RBFOX1: variants seen among roughly 807,000 people sequenced by gnomAD.
The protein encoded by RBFOX1 is RNA binding fox-1 homolog 1.
In RBFOX1, 8 loss-of-function variants were observed where a neutral mutation model predicts 57.7. The ratio of observed to expected loss-of-function variants is 0.14; its 90% confidence interval spans 0.08 to 0.25. The LOEUF (loss-of-function observed/expected upper bound fraction) is 0.25. Among genes scored for constraint, RBFOX1 ranks in the 10% least tolerant of loss-of-function variants. The pLI, the probability that RBFOX1 is intolerant of heterozygous loss-of-function variation, is 1.00. For synonymous variants in RBFOX1, 326 were observed against 222.4 expected (o/e 1.47, Z -4.15); for missense variants, 611 against 548.5 (o/e 1.11, Z -1.14).
intron 3 of RBFOX1, among the ~76,000 whole-genome samples, chr16:6,726,087 C>A (rs2067104587): frequency 6.6e-6 from 1 of 152,068 alleles, no homozygotes; most frequent in African/African-American, 2.4e-5. Flanking sequence ...TTATGTTATT[C>A]AGTGTTAAAT....
At chr16:6,850,078 C>T (rs1309811481) in intron 3 of RBFOX1, among the ~76,000 whole-genome samples, 2 of 152,070 alleles carry the variant, frequency 1.3e-5, no homozygotes, top group African/African-American at 2.4e-5. Flanking sequence ...TTAACCGAGT[C>T]GATTGACATG....
chr16:7,222,054 C>G (rs1404373169), intron 4 of RBFOX1, among the ~76,000 whole-genome samples: 1 of 152,128 alleles, frequency 6.6e-6, no homozygotes, highest in Non-Finnish European at 1.5e-5. Flanking sequence ...CGTGAAGACA[C>G]AAAGCTAAGT....
chr16:6,442,781 G>A lies in RBFOX1; in HGVS notation c.-64+125724G>A, dbSNP rs374866735. On this transcript the variant is annotated intron_variant, in intron 2 of 15. Coordinates refer to ENST00000550418, the MANE Select transcript of RBFOX1 (RefSeq NM_018723.4). ...CAGCGTCCCCTTCTCTTGTCCTGCC[G>A]TCATTGGTCAAAACATTTTGGGGAA... Among the ~76,000 whole-genome samples, 20 of 152,224 alleles carry A rather than the reference G, an allele frequency of 1.3e-4. No homozygotes were observed. The South Asian group carries it at 1.5e-3, about 11-fold the overall frequency.
intron 4 of RBFOX1, among the ~76,000 whole-genome samples, chr16:7,438,170 A>T (rs2098737673): frequency 6.6e-6 from 1 of 152,162 alleles, no homozygotes; most frequent in African/African-American, 2.4e-5. Context: ...ATATAAGAAA[A>T]ATCAGAATGG....
intron 3 of RBFOX1, chr16:6,723,982 C>T (rs1237975655): frequency 2.0e-5 from 3 of 152,116 alleles, no homozygotes; most frequent in Admixed American, 6.5e-5. Flanking sequence ...GTAGGATTTT[C>T]ACTTAACCGT....
intron 3 of RBFOX1, among the ~76,000 whole-genome samples, chr16:5,674,374 C>CT (rs1567379773): frequency 6.6e-6 from 1 of 152,120 alleles, no homozygotes; most frequent in Non-Finnish European, 1.5e-5. Flanking sequence ...ATATTCATGT[C>CT]TGTTTGCAAG....
intron 1 of RBFOX1, among the ~76,000 whole-genome samples, chr16:6,064,553 A>G (rs983852847): frequency 1.3e-5 from 2 of 151,814 alleles, no homozygotes; most frequent in South Asian, 2.1e-4. Context: ...TATTATTATT[A>G]TTTTTTTAGA....
At chr16:6,137,606 ATTTTTTTTTTTTTTTT>A (rs57190040) in intron 1 of RBFOX1, among the ~76,000 whole-genome samples, 1 of 98,354 alleles carries the variant, frequency 1.0e-5, no homozygotes, top group African/African-American at 4.6e-5. Context: ...GCGCCTGGTC[ATTTTTTTTTTTTTTTT>A]TTTTTTTTTT....
intron 3 of RBFOX1, among the ~76,000 whole-genome samples, chr16:6,855,071 A>G (rs12102431): frequency 0.54 from 81,285 of 151,610 alleles, 23,938 homozygotes; most frequent in African/African-American, 0.79. Context: ...GAGAGGAGAG[A>G]GTGATGATCC....
In RBFOX1 at chr16:6,529,474, G is replaced by A. The variant is rs182718324; in HGVS notation, c.-63-125129G>A. On this transcript the variant is annotated intron_variant, in intron 2 of 15. Transcript: ENST00000550418. ...CTTGGGAGACTGAAGCAGGAAAATCGCTTGAACCTAGCAGGCAGAGGTTGC... is the reference window on the plus strand; with the variant it reads ...CTTGGGAGACTGAAGCAGGAAAATCACTTGAACCTAGCAGGCAGAGGTTGC... Among the ~76,000 whole-genome samples, 444 of 152,084 alleles carry A rather than the reference G, an allele frequency of 2.9e-3. 2 individuals are homozygous for A. The highest frequency in any genetic ancestry group is 0.01 in the Middle Eastern group (3 of 294).
Position 6,311,000 on chromosome 16 carries a change from T to A in RBFOX1, c.-126-5995T>A, listed in dbSNP as rs574427093. 1.2e-4 allele frequency among the ~76,000 whole-genome samples: 18 copies of A among 152,178 alleles called. No individual in the cohort carries two copies. The East Asian group carries it at 2.5e-3, about 21-fold the overall frequency. ...GATGCTAGGACATTTCAATTTAGTT[T>A]AGAACTATTGGCTTGCCTGGATGTG... On this transcript the variant is annotated intron_variant, in intron 1 of 15. Coordinates refer to ENST00000550418, the MANE Select transcript of RBFOX1 (RefSeq NM_018723.4).
intron 1 of RBFOX1, among the ~76,000 whole-genome samples, chr16:6,220,307 G>C (rs1401087073): frequency 1.3e-5 from 2 of 152,004 alleles, no homozygotes; most frequent in East Asian, 3.8e-4. Context: ...GACTAATGCA[G>C]ATACATGTTC....
At chr16:6,542,479 T>C (rs576227579) in intron 2 of RBFOX1, among the ~76,000 whole-genome samples, 1 of 123,516 alleles carries the variant, frequency 8.1e-6, no homozygotes, top group South Asian at 3.0e-4. Flanking sequence ...TGTGGGACCA[T>C]AGTCTTTTTT....
At chr16:7,277,601 A>T (rs2095465905) in intron 4 of RBFOX1, among the ~76,000 whole-genome samples, 1 of 152,176 alleles carries the variant, frequency 6.6e-6, no homozygotes, top group African/African-American at 2.4e-5. Flanking sequence ...CAGGTATTTA[A>T]GTCTGAAAGC....
intron 4 of RBFOX1, among the ~76,000 whole-genome samples, chr16:7,470,475 G>A (rs961500662): frequency 2.6e-5 from 4 of 152,090 alleles, no homozygotes; most frequent in African/African-American, 9.7e-5. Flanking sequence ...ATGGATGGAT[G>A]GATGGATAGT....
chr16:5,666,718 G>GC (rs2049856668), intron 3 of RBFOX1, among the ~76,000 whole-genome samples: 1 of 152,144 alleles, frequency 6.6e-6, no homozygotes, highest in Admixed American at 6.5e-5. Flanking sequence ...CTCCCCATCT[G>GC]TTTTTTCTAG....
intron 3 of RBFOX1, among the ~76,000 whole-genome samples, chr16:6,669,010 TTTA>T (rs894957944): frequency 2.2e-4 from 34 of 152,270 alleles, no homozygotes; most frequent in African/African-American, 8.2e-4. Flanking sequence ...GTTGGTGGGT[TTTA>T]TTATCCCACT....
chr16:5,686,750 A>G (rs2050517217), intron 3 of RBFOX1, among the ~76,000 whole-genome samples: 3 of 152,208 alleles, frequency 2.0e-5, no homozygotes, highest in Admixed American at 6.5e-5. Flanking sequence ...ATGTTTAAAT[A>G]ACAAATGAAA....
chr16:5,446,349 A>C (rs1001573001), intron 1 of RBFOX1, among the ~76,000 whole-genome samples: 2 of 152,218 alleles, frequency 1.3e-5, no homozygotes, highest in African/African-American at 4.8e-5. Flanking sequence ...AAGATGGTAG[A>C]CAGTATAGAC....
Sources: allele counts gnomAD v4.1 joint callset (sites outside exome capture counted in the v4.1 genomes callset), GRCh38; gene constraint gnomAD v4.1.1; transcripts MANE v1.5; gene names NCBI Gene and HGNC (gene_info 2026-07-23, HGNC 2026-07-21).